FRMPD4: variants seen among roughly 807,000 people sequenced by gnomAD.
The protein encoded by FRMPD4 is FERM and PDZ domain containing 4.
Under a neutral mutation model 94.1 loss-of-function variants are expected in FRMPD4, and 22 were observed. The ratio of observed to expected loss-of-function variants is 0.23; its 90% CI spans 0.17 to 0.33. The LOEUF (loss-of-function observed/expected upper bound fraction) is 0.33. Among genes scored for constraint, FRMPD4 ranks in the 10% least tolerant of loss-of-function variants. The pLI, the probability that FRMPD4 is intolerant of heterozygous loss-of-function variation, is 1.00. For missense variants in FRMPD4, 1,111 were observed against 1,339.9 expected (o/e 0.83, Z 2.67); for synonymous variants, 631 against 548.6 (o/e 1.15, Z -2.10).
At chrX:12,135,594 T>C (rs2055589485), upstream of FRMPD4, among the ~76,000 whole-genome samples, 1 of 107,760 alleles carries the variant, frequency 9.3e-6, no homozygotes, top group Non-Finnish European at 1.9e-5. Context: ...TATTATGCTG[T>C]GGAGAGATGG....
chrX:11,906,438 C>T (rs2053968490), intron 3 of FRMPD4, among the ~76,000 whole-genome samples: 1 of 111,416 alleles, frequency 9.0e-6, no homozygotes, highest in Non-Finnish European at 1.9e-5. Flanking sequence ...TGAGCCACCG[C>T]ACCCGGCCCA....
At chrX:12,230,702 A>T (rs778371555) in intron 1 of FRMPD4, among the ~76,000 whole-genome samples, 2 of 106,585 alleles carry the variant, frequency 1.9e-5, no homozygotes, top group African/African-American at 6.8e-5. Context: ...CATAAACCAA[A>T]GAGTTTTTCT....
In FRMPD4 at chrX:12,612,878, A is replaced by G. The variant is rs777715114; in HGVS notation, c.320-1901A>G. ...CAAACACTGAATCCCACATCTGTAA[A>G]ATGAATATTTTGTATCAGTAATATA... On this transcript the variant is annotated intron_variant, in intron 3 of 16. Transcript: ENST00000675598. Among the ~76,000 whole-genome samples, 18 of 111,909 alleles carry G rather than the reference A, an allele frequency of 1.6e-4. No homozygotes were observed. The East Asian group carries it at 5.0e-3, about 31-fold the overall frequency.
Position 11,978,522 on chromosome X carries a change from C to T in FRMPD4, c.95+100504C>T, listed in dbSNP as rs142148850. Among the ~76,000 whole-genome samples, 254 of 110,176 alleles carry T rather than the reference C, an allele frequency of 2.3e-3. 2 individuals are homozygous for T. In the East Asian group the frequency reaches 0.043, roughly 19 times the overall value. ...AACAAAATACATTTGGCATTGGAAA[C>T]CAATTCGAAGAATATATGCTACTTG... On this transcript the variant is annotated intron_variant, in intron 3 of 18. Coordinates refer to the FRMPD4 transcript ENST00000640291.
intron 9 of FRMPD4, among the ~76,000 whole-genome samples, chrX:12,700,998 T>C (rs989448924): frequency 6.4e-5 from 7 of 109,912 alleles, no homozygotes; most frequent in Non-Finnish European, 9.5e-5. Flanking sequence ...GTGACAGTAG[T>C]AAACATGTAA....
intron 3 of FRMPD4, among the ~76,000 whole-genome samples, chrX:11,916,903 C>T (rs139559596): frequency 2.1e-4 from 23 of 111,498 alleles, no homozygotes; most frequent in African/African-American, 5.9e-4. Flanking sequence ...GTGTTCCTAG[C>T]CTCCCTCACA....
chrX:11,856,606 A>G (rs1439431554), intron 1 of FRMPD4, among the ~76,000 whole-genome samples: 2 of 112,017 alleles, frequency 1.8e-5, no homozygotes, highest in Non-Finnish European at 3.8e-5. Flanking sequence ...TATCATATTG[A>G]ATAGGTAAAA....
chrX:12,678,381 C>T (rs186107231), intron 5 of FRMPD4, among the ~76,000 whole-genome samples: 24 of 112,362 alleles, frequency 2.1e-4, no homozygotes, highest in South Asian at 1.1e-3. Flanking sequence ...TGTTTGGCTC[C>T]GATATACCGT....
chrX:12,156,787 G>T (rs1368058470), intron 1 of FRMPD4, among the ~76,000 whole-genome samples: 1 of 111,885 alleles, frequency 8.9e-6, no homozygotes, highest in East Asian at 2.8e-4. Flanking sequence ...TGTTGTTCGG[G>T]TATCATGTTG....
Position 11,830,672 on chromosome X carries a change from T to C in FRMPD4, c.-161+7957T>C, listed in dbSNP as rs776116753. ...TGTATGCAGTGGCATCCAGAACTGC[T>C]GTTTGAAGCCATTTCTCCAGAAATA... On this transcript the variant is annotated intron_variant, in intron 1 of 18. Transcript: ENST00000640291. Among the ~76,000 whole-genome samples, 293 of 112,250 alleles carry C rather than the reference T, an allele frequency of 2.6e-3. 4 individuals are homozygous for C. Among genetic ancestry groups the C allele is most frequent in the African/African-American group, 8.9e-3 (275 of 30,982 alleles).
intron 3 of FRMPD4, among the ~76,000 whole-genome samples, chrX:12,120,069 C>A (rs1280911831): frequency 2.7e-5 from 3 of 112,278 alleles, no homozygotes. Context: ...CAGTAGTCAC[C>A]AATCACTGAG....
At chrX:12,320,380 A>G (rs1464675734) in intron 1 of FRMPD4, among the ~76,000 whole-genome samples, 1 of 111,126 alleles carries the variant, frequency 9.0e-6, no homozygotes, top group Non-Finnish European at 1.9e-5. Flanking sequence ...CTCCTATCTA[A>G]TATTTCCCTC....
At chrX:12,569,096 A>T (rs774269531) in intron 2 of FRMPD4, among the ~76,000 whole-genome samples, 15 of 111,126 alleles carry the variant, frequency 1.3e-4, no homozygotes, top group Non-Finnish European at 2.3e-4. Context: ...GCCTTTTATC[A>T]TGGATGACTC....
rs758426362 is a variant in FRMPD4, at chrX:11,921,052, G to A, written c.95+43034G>A. Among the ~76,000 whole-genome samples the A allele has an allele frequency of 3.6e-5, 4 of 112,235 alleles. No individual in the cohort carries two copies. The South Asian group carries it at 1.5e-3, about 42-fold the overall frequency. ...CCCAATTGTTTAAAGTTATAGATCA[G>A]GTCCTATTACGTAAGGAGATTGTCA... On this transcript the variant is annotated intron_variant, in intron 3 of 18. Transcript: ENST00000640291.
chrX:12,369,847 G>A (rs755211075), intron 1 of FRMPD4, among the ~76,000 whole-genome samples: 40 of 112,222 alleles, frequency 3.6e-4, no homozygotes, highest in South Asian at 7.4e-4. Context: ...ATGCCAAAGA[G>A]TTTGGACTTA....
chrX:11,951,327 A>G (rs2054222354), intron 3 of FRMPD4, among the ~76,000 whole-genome samples: 3 of 111,286 alleles, frequency 2.7e-5, no homozygotes, highest in African/African-American at 9.8e-5. Context: ...AATAGCAAAG[A>G]CATGGAATCA....
intron 8 of FRMPD4, among the ~76,000 whole-genome samples, chrX:12,690,838 C>T (rs2060072750): frequency 8.9e-6 from 1 of 111,982 alleles, no homozygotes; most frequent in Non-Finnish European, 1.9e-5. Context: ...ATGCCACCCC[C>T]ATCTGTTCCC....
At chrX:12,694,532 A>G in intron 9 of FRMPD4, 78 bp downstream of exon 9, 1 of 761,267 alleles carries the variant, frequency 1.3e-6, no homozygotes, top group Non-Finnish European at 2.0e-6. Flanking sequence ...GAATTCTTTA[A>G]CTTGAAATCT....
At chrX:12,066,837 A>G (rs1427491938) in intron 3 of FRMPD4, among the ~76,000 whole-genome samples, 2 of 108,104 alleles carry the variant, frequency 1.9e-5, no homozygotes, top group Non-Finnish European at 3.8e-5. Flanking sequence ...CTAAAAAAAA[A>G]AACAGAGCAG....
Sources: gnomAD v4.1 joint callset for allele counts (sites outside exome capture counted in the v4.1 genomes callset) on GRCh38, gnomAD v4.1.1 for gene constraint, MANE v1.5 for transcripts, NCBI Gene and HGNC (gene_info 2026-07-23, HGNC 2026-07-21) for gene names.